BNC2: variants seen among roughly 807,000 people sequenced by gnomAD.
BNC2 encodes the protein basonuclin zinc finger protein 2.
Under a neutral mutation model 76.3 loss-of-function variants are expected in BNC2, and 20 were observed. The ratio of observed to expected loss-of-function variants is 0.26; its 90% CI spans 0.18 to 0.38. The LOEUF is 0.38. BNC2 is among the 10% of genes least tolerant of loss of function. The pLI is 1.00. For missense variants in BNC2, 1,382 were observed against 1,399.8 expected (o/e 0.99, Z 0.20); for synonymous variants, 582 against 514.8 (o/e 1.13, Z -1.77).
intron 3 of BNC2, among the ~76,000 whole-genome samples, chr9:16,720,986 C>A (rs573728779): frequency 1.3e-5 from 2 of 152,326 alleles, no homozygotes; most frequent in South Asian, 4.1e-4. Context: ...AGGCTTCCTA[C>A]AGGGAACGCA....
chr9:16,441,641 C>A (rs1475417330), intron 5 of BNC2, among the ~76,000 whole-genome samples: 1 of 152,116 alleles, frequency 6.6e-6, no homozygotes, highest in Admixed American at 6.5e-5. Flanking sequence ...CAAAAATGGA[C>A]CAATGTCAGT....
At chr9:16,590,814 C>G (rs898861208) in intron 3 of BNC2, among the ~76,000 whole-genome samples, 1 of 152,042 alleles carries the variant, frequency 6.6e-6, no homozygotes, top group African/African-American at 2.4e-5. Flanking sequence ...ATCTCACACA[C>G]ACACACAAAA....
chr9:16,639,301 T>C lies in BNC2; in HGVS notation c.331-56216A>G, dbSNP rs539556981. On this transcript the variant is annotated intron_variant, in intron 3 of 6. Transcript: ENST00000380672. ...TCTCTGTTAAGCAATGGAAAAAATC[T>C]GGTCATTTTATTCTAATATTAAATT... is the stretch of plus-strand genomic sequence containing the variant. 4.6e-5 allele frequency among the ~76,000 whole-genome samples: 7 copies of C among 152,322 alleles called. 1 individual carries two copies. Among genetic ancestry groups the C allele is most frequent in the Admixed American group, 4.6e-4 (7 of 15,304 alleles).
chr9:16,830,105 T>C (rs926421272), intron 1 of BNC2, among the ~76,000 whole-genome samples: 4 of 152,250 alleles, frequency 2.6e-5, no homozygotes, highest in Non-Finnish European at 5.9e-5. Context: ...TGAAAAGCTT[T>C]TGAAACAACA....
chr9:16,596,949 C>T (rs921452984), intron 3 of BNC2, among the ~76,000 whole-genome samples: 1 of 152,076 alleles, frequency 6.6e-6, no homozygotes, highest in African/African-American at 2.4e-5. Context: ...AGAAAGAATT[C>T]CTTTACTCGG....
At chr9:16,729,368 A>G (rs964435483) in intron 2 of BNC2, among the ~76,000 whole-genome samples, 4 of 152,204 alleles carry the variant, frequency 2.6e-5, no homozygotes, top group Admixed American at 6.5e-5. Flanking sequence ...GTTCCTTCTT[A>G]ACTCAAGAAT....
At chr9:16,475,674 T>C (rs1211504918) in intron 5 of BNC2, among the ~76,000 whole-genome samples, 1 of 152,222 alleles carries the variant, frequency 6.6e-6, no homozygotes, top group African/African-American at 2.4e-5. Flanking sequence ...GTGTCTTTTA[T>C]CCCCTTTCCT....
At chr9:16,498,436 T>C (rs1822446130) in intron 5 of BNC2, among the ~76,000 whole-genome samples, 1 of 151,048 alleles carries the variant, frequency 6.6e-6, no homozygotes, top group South Asian at 2.1e-4. Flanking sequence ...AAACACCGTA[T>C]GTACTCACTG....
At chr9:16,470,142 C>T (rs187866368) in intron 5 of BNC2, among the ~76,000 whole-genome samples, 191 of 151,832 alleles carry the variant, frequency 1.3e-3, no homozygotes, top group Admixed American at 2.2e-3. Context: ...GGACTACAGG[C>T]GCCCACCACC....
intron 4 of BNC2, 41 bp from the exon 5 acceptor site, chr9:16,552,806 G>A (rs772938034): frequency 6.7e-7 from 1 of 1,501,992 alleles, no homozygotes; most frequent in Non-Finnish European, 9.3e-7. Context: ...GGGGGTGTTG[G>A]GAATAAGATA....
At chr9:16,652,643 C>T (rs562001117) in intron 3 of BNC2, among the ~76,000 whole-genome samples, 1 of 152,288 alleles carries the variant, frequency 6.6e-6, no homozygotes, top group African/African-American at 2.4e-5. Flanking sequence ...CCTAAGTGCA[C>T]ATGATATCAT....
chr9:16,706,378 C>T (rs1563908324), intron 3 of BNC2, among the ~76,000 whole-genome samples: 1 of 152,140 alleles, frequency 6.6e-6, no homozygotes, highest in Non-Finnish European at 1.5e-5. Flanking sequence ...CACAAAGTCC[C>T]CTCTTTTTGC....
intron 4 of BNC2, among the ~76,000 whole-genome samples, chr9:16,566,291 G>T (rs1819165011): frequency 6.6e-6 from 1 of 152,104 alleles, no homozygotes; most frequent in Non-Finnish European, 1.5e-5. Context: ...ACAGTTAAGT[G>T]TATATAATAG....
chr9:16,823,923 T>A (rs766797784), intron 1 of BNC2, among the ~76,000 whole-genome samples: 12 of 152,228 alleles, frequency 7.9e-5, no homozygotes, highest in Admixed American at 1.3e-4. Flanking sequence ...TATATTAGAA[T>A]TGTGACCTTA....
intron 4 of BNC2, among the ~76,000 whole-genome samples, chr9:16,565,948 A>G (rs1819154156): frequency 2.1e-5 from 3 of 141,062 alleles, no homozygotes; most frequent in African/African-American, 9.4e-5. Context: ...GACATGAACA[A>G]GAGAAGAACC....
At chr9:16,702,767 G>C (rs761318773) in intron 3 of BNC2, among the ~76,000 whole-genome samples, 3 of 152,136 alleles carry the variant, frequency 2.0e-5, no homozygotes, top group Non-Finnish European at 2.9e-5. Flanking sequence ...GGAACTTCAA[G>C]TGTGTTGTCT....
intron 1 of BNC2, among the ~76,000 whole-genome samples, chr9:16,741,774 G>A (rs531438223): frequency 2.0e-5 from 3 of 151,948 alleles, no homozygotes; most frequent in South Asian, 2.1e-4. Flanking sequence ...CCTGGCCAAC[G>A]TGGTGAAACC....
chr9:16,548,082 CT>C (rs1383998842), intron 5 of BNC2, among the ~76,000 whole-genome samples: 1 of 152,176 alleles, frequency 6.6e-6, no homozygotes, highest in Non-Finnish European at 1.5e-5. Context: ...CTGTTGACAT[CT>C]CAGCTAAATA....
intron 1 of BNC2, among the ~76,000 whole-genome samples, chr9:16,754,566 C>G (rs200420652): frequency 7.1e-5 from 10 of 139,986 alleles, no homozygotes; most frequent in Non-Finnish European, 1.2e-4. Flanking sequence ...ATTTTTTTTT[C>G]TTTTTTCTTG....
Sources: allele counts gnomAD v4.1 joint callset (sites outside exome capture counted in the v4.1 genomes callset), GRCh38; gene constraint gnomAD v4.1.1; transcripts MANE v1.5; gene names NCBI Gene and HGNC (gene_info 2026-07-23, HGNC 2026-07-21).